Variants in NR3C1 observed in about 807,000 individuals in gnomAD.
The protein encoded by NR3C1 is glucocorticoid receptor.
Under a neutral mutation model 74.0 loss-of-function variants are expected in NR3C1, and 14 were observed. The observed-to-expected ratio is 0.19, with a 90% CI of 0.12 to 0.30. The LOEUF (loss-of-function observed/expected upper bound fraction) is 0.30. Among genes scored for constraint, NR3C1 ranks in the 10% least tolerant of loss-of-function variants. The probability of loss-of-function intolerance (pLI) is 1.00; values close to 1 mark genes in which losing one functional copy is unlikely to be tolerated. For missense variants in NR3C1, 695 were observed against 909.8 expected, an observed-to-expected ratio of 0.76 and a Z score of 3.04; for synonymous variants, 308 against 332.5, an observed-to-expected ratio of 0.93 and a Z score of 0.80.
intron 4 of NR3C1, among the ~76,000 whole-genome samples, chr5:143,307,136 T>G (rs1336066664): frequency 6.6e-6 from 1 of 152,152 alleles, no homozygotes; most frequent in Admixed American, 6.5e-5. Flanking sequence ...GACCTCGTGA[T>G]CCACCTGCCT....
intron 7 of NR3C1, among the ~76,000 whole-genome samples, chr5:143,285,968 A>AT (rs1814339669): frequency 1.7e-5 from 2 of 114,540 alleles, no homozygotes; most frequent in Non-Finnish European, 4.2e-5. Flanking sequence ...AGCCAGACTG[A>AT]TTAAAAAAAA....
intron 2 of NR3C1, among the ~76,000 whole-genome samples, chr5:143,333,769 A>AAAACAAAC (rs374779843): frequency 1.3e-5 from 2 of 152,196 alleles, no homozygotes; most frequent in African/African-American, 4.8e-5. Context: ...TCCATCTCAA[A>AAAACAAAC]AAACAAACAA....
chr5:143,402,112 C>T (rs970878247), intron 1 of NR3C1, among the ~76,000 whole-genome samples: 2 of 152,174 alleles, frequency 1.3e-5, no homozygotes, highest in South Asian at 2.1e-4. Flanking sequence ...GGACTTGCCA[C>T]TACAAATCTT....
chr5:143,398,850 T>A (rs78685803), intron 2 of NR3C1, among the ~76,000 whole-genome samples: 61 of 152,262 alleles, frequency 4.0e-4, no homozygotes, highest in African/African-American at 1.4e-3. Context: ...AGTATGCTTA[T>A]AAACGACTGA....
At chr5:143,405,246 A>G, upstream of NR3C1, 1 of 985,804 alleles carries the variant, frequency 1.0e-6, no homozygotes, top group South Asian at 4.7e-5. Context: ...CCCACAGGTG[A>G]CATCGCTTGC....
At chr5:143,282,777 C>CT (rs371512572) in intron 7 of NR3C1, 52 bp from the exon 8 acceptor site, 175,343 of 1,263,012 alleles carry the variant, frequency 0.14, 84 homozygotes, top group Non-Finnish European at 0.15. Context: ...CTTTTCTTTT[C>CT]TTTTTTTTTT....
At chr5:143,383,292 A>G (rs1176284339) in intron 2 of NR3C1, among the ~76,000 whole-genome samples, 2 of 152,116 alleles carry the variant, frequency 1.3e-5, no homozygotes, top group Non-Finnish European at 2.9e-5. Flanking sequence ...AGTTTTCCCT[A>G]AGAGAAAGTA....
chr5:143,328,524 G>A (rs1336454198), intron 2 of NR3C1, among the ~76,000 whole-genome samples: 2 of 152,046 alleles, frequency 1.3e-5, no homozygotes, highest in Admixed American at 1.3e-4. Context: ...CAGAAAATGG[G>A]GTTTTCTTTT....
At chr5:143,402,237 A>T (rs1840427714) in intron 1 of NR3C1, among the ~76,000 whole-genome samples, 1 of 152,192 alleles carries the variant, frequency 6.6e-6, no homozygotes, top group Non-Finnish European at 1.5e-5. Context: ...CTTTTTTGAC[A>T]GCTGCCTTCA....
rs1368015567 is a variant in NR3C1 at position 143,278,511 on chromosome 5, C to A, written c.*3378G>T. 6.6e-6 allele frequency: 1 copy of A among 152,086 alleles called. No homozygotes were observed. The highest frequency in any genetic ancestry group is 1.5e-5 in the Non-Finnish European group (1 of 68,002). 9.4% of individuals were successfully genotyped at this position (152,086 alleles called of 1,614,324 possible). A position where few individuals can be genotyped will look rare whatever the true frequency, so the allele number is the denominator to read the frequency against. On this transcript the variant is annotated 3_prime_UTR_variant, in exon 9 of 9. Transcript: ENST00000394464. ...TGCTTGAAAATAGTCTGGGAAATTA[C>A]GAAACTCCACCCAAAGGGTTTAAAG... is the stretch of plus-strand genomic sequence containing the variant.
chr5:143,374,509 G>C (rs1483935514), intron 2 of NR3C1, among the ~76,000 whole-genome samples: 1 of 150,826 alleles, frequency 6.6e-6, no homozygotes, highest in Non-Finnish European at 1.5e-5. Context: ...AAAAAACATA[G>C]TGAGTAAAAA....
In NR3C1 at chr5:143,393,865, G is replaced by T. The variant is rs80286145; in HGVS notation, c.1184+5791C>A. Among the ~76,000 whole-genome samples the T allele has an allele frequency of 1.2e-3, 178 of 152,024 alleles. 4 individuals are homozygous for T. In the East Asian group the frequency reaches 0.031, roughly 26 times the overall value. ...AGTTATGAAATCAACTAGAATAAAGGCTAATTTTATTGTAAAAAGAAATAG... is the reference window on the plus strand; with the variant it reads ...AGTTATGAAATCAACTAGAATAAAGTCTAATTTTATTGTAAAAAGAAATAG... On this transcript the variant is annotated intron_variant, in intron 2 of 8. Coordinates refer to ENST00000394464, the MANE Select transcript of NR3C1 (RefSeq NM_000176.3).
intron 2 of NR3C1, 146 bp from the exon 3 acceptor site, chr5:143,314,314 T>C: frequency 1.3e-6 from 1 of 779,838 alleles, no homozygotes. Context: ...CCTAGCTAAA[T>C]ATATTCAAAT....
chr5:143,320,469 G>T (rs2151646747), intron 2 of NR3C1, among the ~76,000 whole-genome samples: 1 of 152,268 alleles, frequency 6.6e-6, no homozygotes, highest in South Asian at 2.1e-4. Flanking sequence ...GTTCAGTAAA[G>T]GATTTTTCAG....
At chr5:143,367,284 A>T (rs1179497923) in intron 2 of NR3C1, among the ~76,000 whole-genome samples, 1 of 152,200 alleles carries the variant, frequency 6.6e-6, no homozygotes, top group East Asian at 1.9e-4. Flanking sequence ...CTGATAAAGG[A>T]CAACTATGAA....
intron 2 of NR3C1, among the ~76,000 whole-genome samples, chr5:143,322,935 T>C (rs1823682399): frequency 1.3e-5 from 2 of 152,340 alleles, no homozygotes; most frequent in South Asian, 4.1e-4. Flanking sequence ...CTCAGGTCCC[T>C]ACATATCCAC....
intron 2 of NR3C1, among the ~76,000 whole-genome samples, chr5:143,370,032 T>C (rs1171268662): frequency 6.6e-6 from 1 of 152,192 alleles, no homozygotes; most frequent in Non-Finnish European, 1.5e-5. Context: ...CAGCTAAGAA[T>C]TCATAGAAGA....
At chr5:143,288,127 T>C (rs1226708251) in intron 7 of NR3C1, among the ~76,000 whole-genome samples, 1 of 151,980 alleles carries the variant, frequency 6.6e-6, no homozygotes, top group Non-Finnish European at 1.5e-5. Flanking sequence ...AATTTTTTTT[T>C]TTTTTTTTGG....
chr5:143,352,223 T>C (rs1264555091), intron 2 of NR3C1, among the ~76,000 whole-genome samples: 1 of 152,190 alleles, frequency 6.6e-6, no homozygotes, highest in African/African-American at 2.4e-5. Context: ...CTTGTCTTGG[T>C]ACTACATTGT....
Sources: gnomAD v4.1 joint callset for allele counts (sites outside exome capture counted in the v4.1 genomes callset) on GRCh38, gnomAD v4.1.1 for gene constraint, MANE v1.5 for transcripts, NCBI Gene and HGNC (gene_info 2026-07-23, HGNC 2026-07-21) for gene names.